ZNF664: variants seen among roughly 807,000 people sequenced by gnomAD.
ZNF664 encodes zinc finger Organ of Corti 1.
ZNF664 carries 10 observed loss-of-function variants against 18.2 expected under a neutral mutation model. The ratio of observed to expected loss-of-function variants is 0.55; its 90% CI spans 0.34 to 0.93. The LOEUF is 0.93. ZNF664 is among the 40% of genes least tolerant of loss of function. The pLI is 0.02. For synonymous variants in ZNF664, 119 were observed against 104.2 expected (o/e 1.14, Z -0.86); for missense variants, 193 against 319.0 (o/e 0.61, Z 3.01).
At chr12:123,982,519 G>T (rs1956777644) in intron 2 of ZNF664, among the ~76,000 whole-genome samples, 1 of 152,190 alleles carries the variant, frequency 6.6e-6, no homozygotes, top group African/African-American at 2.4e-5. Flanking sequence ...AGGCCATTCT[G>T]AAACTCTAAC....
At chr12:123,988,601 G>A (rs1408214321) in intron 3 of ZNF664, among the ~76,000 whole-genome samples, 4 of 151,452 alleles carry the variant, frequency 2.6e-5, no homozygotes, top group Admixed American at 6.6e-5. Flanking sequence ...TTTCCCCAAC[G>A]TCTGAATAAT....
At position 123,979,572 on chromosome 12, in the gene ZNF664, A is replaced by G. The variant is rs1956736151; in HGVS notation, c.-757+5552A>G. On this transcript the variant is annotated intron_variant, in intron 2 of 4. Transcript: ENST00000337815. ...AGGAGAACATACGTTAATATAAACA[A>G]TGTCTATTGCAGCGTCATTTATAAT... is the stretch of plus-strand genomic sequence containing the variant. Among the ~76,000 whole-genome samples, 3 of 152,258 alleles carry G rather than the reference A, an allele frequency of 2.0e-5. 1 individual carries two copies. Among genetic ancestry groups the G allele is most frequent in the Non-Finnish European group, 4.4e-5 (3 of 68,042 alleles).
intron 3 of ZNF664, among the ~76,000 whole-genome samples, chr12:123,989,005 C>G (rs1956856670): frequency 6.6e-6 from 1 of 152,154 alleles, no homozygotes; most frequent in Non-Finnish European, 1.5e-5. Context: ...AGCTTCTTGT[C>G]ATTTCCCCTG....
Position 124,014,486 on chromosome 12 carries a change from C to T in ZNF664, c.*1556C>T, listed in dbSNP as rs1957169854. On this transcript the variant is annotated 3_prime_UTR_variant, in exon 5 of 5. Transcript: ENST00000337815. ...GAATGTTTAGAAGACCAAAAGTCCCCAATGACAGGAACAAAAGCAACCAAT... is the reference window on the plus strand; with the variant it reads ...GAATGTTTAGAAGACCAAAAGTCCCTAATGACAGGAACAAAAGCAACCAAT... 1 of 167,112 alleles carries T rather than the reference C, an allele frequency of 6.0e-6. No individual in the cohort carries two copies. The highest frequency in any genetic ancestry group is 6.5e-5 in the Admixed American group (1 of 15,294). The allele number at this position is 167,112 out of a possible 1,614,324, so 10.4% of individuals were successfully genotyped here. A position where few individuals can be genotyped will look rare whatever the true frequency, so the allele number is the denominator to read the frequency against.
At chr12:123,985,308 C>G (rs1405311963) in intron 2 of ZNF664, among the ~76,000 whole-genome samples, 1 of 152,158 alleles carries the variant, frequency 6.6e-6, no homozygotes, top group Non-Finnish European at 1.5e-5. Flanking sequence ...TTTCATGTAA[C>G]TTTTGTGCCA....
At chr12:124,010,196 C>T (rs568645779) in intron 3 of ZNF664, among the ~76,000 whole-genome samples, 1 of 152,158 alleles carries the variant, frequency 6.6e-6, no homozygotes, top group South Asian at 2.1e-4. Flanking sequence ...TTTTGGGGAC[C>T]TAATTGAATT....
At chr12:123,991,040 A>G (rs1363858413) in intron 3 of ZNF664, among the ~76,000 whole-genome samples, 1 of 152,204 alleles carries the variant, frequency 6.6e-6, no homozygotes, top group Non-Finnish European at 1.5e-5. Flanking sequence ...TCAGACAGCT[A>G]TTTAGTATTA....
intron 2 of ZNF664, among the ~76,000 whole-genome samples, chr12:123,985,045 G>A (rs1956807881): frequency 6.6e-6 from 1 of 152,020 alleles, no homozygotes; most frequent in Non-Finnish European, 1.5e-5. Context: ...GACTCTGAGA[G>A]CAGTTTTGTA....
intron 2 of ZNF664, chr12:123,974,675 A>G (rs1313579003): frequency 6.6e-6 from 1 of 152,182 alleles, no homozygotes; most frequent in African/African-American, 2.4e-5. Flanking sequence ...TTATCCTTCT[A>G]GATCTTTTGG....
chr12:124,007,268 G>T (rs1338055848), intron 3 of ZNF664, among the ~76,000 whole-genome samples: 1 of 152,198 alleles, frequency 6.6e-6, no homozygotes, highest in African/African-American at 2.4e-5. Context: ...CTAGTGGGAG[G>T]TCATGTTGGA....
chr12:123,974,370 C>T (rs148652378), intron 2 of ZNF664: 457 of 217,260 alleles, frequency 2.1e-3, no homozygotes, highest in Non-Finnish European at 3.1e-3. Flanking sequence ...CTATTGCCTT[C>T]TTCAAGGAAC....
At chr12:123,994,970 A>G (rs988981858) in intron 3 of ZNF664, among the ~76,000 whole-genome samples, 6 of 152,230 alleles carry the variant, frequency 3.9e-5, no homozygotes, top group African/African-American at 1.4e-4. Context: ...GAAGGGTTTC[A>G]GCTGGGGCAT....
At chr12:123,977,349 CAAT>C (rs2138314641) in intron 2 of ZNF664, among the ~76,000 whole-genome samples, 1 of 143,690 alleles carries the variant, frequency 7.0e-6, no homozygotes, top group Non-Finnish European at 1.5e-5. Flanking sequence ...ACTATGAAAA[CAAT>C]AACAAAAATT....
intron 3 of ZNF664, among the ~76,000 whole-genome samples, chr12:124,004,666 G>GAC (rs1957050118): frequency 6.6e-6 from 1 of 152,164 alleles, no homozygotes; most frequent in Non-Finnish European, 1.5e-5. Flanking sequence ...TGAGTGGTGG[G>GAC]AAGAAAGCCA....
rs77889015 is a variant in ZNF664 at position 124,015,414 on chromosome 12, G to C, written c.*2484G>C. The C allele has an allele frequency of 2.8e-4, 45 of 163,384 alleles. No homozygotes were observed. The highest frequency in any genetic ancestry group is 5.6e-4 in the Non-Finnish European group (38 of 68,094). 10.1% of individuals were successfully genotyped at this position (163,384 alleles called of 1,614,324 possible). On this transcript the variant is annotated 3_prime_UTR_variant, in exon 5 of 5. Transcript: ENST00000337815. ...ATGTCCAAATCAATTTAATAAAATC[G>C]CTTTATAACAGGGTTCTGTGCTTGA... is the stretch of plus-strand genomic sequence containing the variant.
At chr12:123,989,717 C>T (rs1956867001) in intron 3 of ZNF664, among the ~76,000 whole-genome samples, 1 of 152,142 alleles carries the variant, frequency 6.6e-6, no homozygotes, top group Non-Finnish European at 1.5e-5. Flanking sequence ...TGCTATTAGC[C>T]ATTAATAACA....
intron 2 of ZNF664, among the ~76,000 whole-genome samples, chr12:123,982,617 C>G (rs565672884): frequency 1.9e-4 from 29 of 152,298 alleles, no homozygotes; most frequent in Admixed American, 7.8e-4. Flanking sequence ...ATTGGCTTAG[C>G]TTGGGTTCCA....
In ZNF664 at chr12:124,012,751, G is replaced by A; in HGVS notation, c.607G>A (p.Gly203Arg). The change falls in exon 5 of 5, where the codon GGA becomes AGA. Residue 203 changes from glycine (G) to arginine (R), a missense_variant. This residue lies in a region of ZNF664 where 61 missense variants were observed against 153.7 expected (regional missense o/e 0.40). Coordinates refer to ENST00000337815, the MANE Select transcript of ZNF664 (RefSeq NM_152437.3). ...TGGAGAGAAACCCTATAGATGTTGT[G>A]GATGTGGGAAGGCCTTCAGTCAGAG... is the stretch of plus-strand genomic sequence containing the variant. ...HTGEKPYRCCGCGKAFSQSSS... is the reference protein window; with the variant it reads ...HTGEKPYRCCRCGKAFSQSSS... The A allele has an allele frequency of 6.2e-7, 1 of 1,612,690 alleles. No homozygotes were observed. The highest frequency in any genetic ancestry group is 8.5e-7 in the Non-Finnish European group (1 of 1,179,240).
chr12:124,004,123 G>A (rs1158756217), intron 3 of ZNF664, among the ~76,000 whole-genome samples: 4 of 152,128 alleles, frequency 2.6e-5, no homozygotes, highest in African/African-American at 7.2e-5. Flanking sequence ...GGGAGCACCC[G>A]GTGTCCAAGA....
Sources: allele counts gnomAD v4.1 joint callset (sites outside exome capture counted in the v4.1 genomes callset), GRCh38; gene constraint gnomAD v4.1.1; regional missense constraint gnomAD v4.1.1; transcripts MANE v1.5; gene names NCBI Gene and HGNC (gene_info 2026-07-23, HGNC 2026-07-21).